Variants in STARD13 observed in about 807,000 individuals in gnomAD.
STARD13 encodes StAR related lipid transfer domain containing 13, also known as stAR-related lipid transfer protein 13.
Under a neutral mutation model 106.4 loss-of-function variants are expected in STARD13, and 62 were observed. That is an observed-to-expected ratio of 0.58 (90% CI 0.48 to 0.72). STARD13 has a LOEUF of 0.72. STARD13 is among the 30% of genes least tolerant of loss of function. The probability of loss-of-function intolerance (pLI) is 0.00; values close to 1 mark genes in which losing one functional copy is unlikely to be tolerated. For missense variants in STARD13, 1,387 were observed against 1,424.0 expected (o/e 0.97, Z 0.42); for synonymous variants, 565 against 553.0 (o/e 1.02, Z -0.31).
At chr13:33,583,063 G>A in the STARD13 span, among the ~76,000 whole-genome samples, 1 of 152,174 alleles carries the variant, frequency 6.6e-6, no homozygotes, top group South Asian at 2.1e-4. Context: ...ATGTTTGGAA[G>A]GCTGTTCAAA....
At chr13:33,360,586 T>C in the STARD13 span, among the ~76,000 whole-genome samples, 1 of 110,566 alleles carries the variant, frequency 9.0e-6, no homozygotes, top group Admixed American at 9.4e-5. Context: ...TTATTAGTTT[T>C]AAGAGTATCT....
intron 1 of STARD13, among the ~76,000 whole-genome samples, chr13:33,321,156 A>T (rs1356515830): frequency 6.6e-6 from 1 of 152,144 alleles, no homozygotes; most frequent in Non-Finnish European, 1.5e-5. Context: ...TCTTTTGTAG[A>T]CAGCATTCCC....
the STARD13 span, among the ~76,000 whole-genome samples, chr13:33,431,833 G>A: frequency 9.2e-5 from 14 of 152,284 alleles, no homozygotes; most frequent in African/African-American, 3.4e-4. Context: ...GGGATACCAA[G>A]AACATAAGTT....
At chr13:33,364,309 T>C in the STARD13 span, among the ~76,000 whole-genome samples, 1 of 152,056 alleles carries the variant, frequency 6.6e-6, no homozygotes, top group Non-Finnish European at 1.5e-5. Flanking sequence ...CAACAAAAAA[T>C]AAAATTTAAA....
At chr13:33,134,544 T>A (rs142820338) in intron 4 of STARD13, among the ~76,000 whole-genome samples, 100 of 152,368 alleles carry the variant, frequency 6.6e-4, no homozygotes, top group Middle Eastern at 3.4e-3. Flanking sequence ...GTTTTTAAAC[T>A]GTAAAGATGG....
intron 7 of STARD13, among the ~76,000 whole-genome samples, chr13:33,121,006 G>C (rs1157832024): frequency 6.6e-6 from 1 of 152,140 alleles, no homozygotes; most frequent in Admixed American, 6.5e-5. Context: ...CTCCCAAAGT[G>C]CTGGCATTAC....
the STARD13 span, chr13:33,383,795 C>G: frequency 6.8e-6 from 1 of 145,996 alleles, no homozygotes; most frequent in Non-Finnish European, 1.5e-5. Flanking sequence ...AACACGAACA[C>G]GAAGCTGCAC....
At chr13:33,671,291 G>A in the STARD13 span, among the ~76,000 whole-genome samples, 1 of 152,212 alleles carries the variant, frequency 6.6e-6, no homozygotes, top group Admixed American at 6.5e-5. Context: ...ATTACCATAT[G>A]GTAGTTAAAA....
intron 1 of STARD13, among the ~76,000 whole-genome samples, chr13:33,308,785 A>T (rs1326774921): frequency 1.3e-5 from 2 of 152,170 alleles, no homozygotes; most frequent in East Asian, 3.9e-4. Context: ...TGGCCTCCCG[A>T]AGTGCTGGGA....
chr13:33,669,530 CTTTTTT>C, the STARD13 span, among the ~76,000 whole-genome samples: 1 of 103,154 alleles, frequency 9.7e-6, no homozygotes, highest in Non-Finnish European at 1.9e-5. Flanking sequence ...AGAGGATGTT[CTTTTTT>C]TTTTTTTTTT....
intron 1 of STARD13, among the ~76,000 whole-genome samples, chr13:33,196,820 A>G (rs1886656530): frequency 6.6e-6 from 1 of 152,222 alleles, no homozygotes. Context: ...TCACTTCTAC[A>G]AGGCAGCAAT....
chr13:33,469,341 A>C, the STARD13 span, among the ~76,000 whole-genome samples: 2 of 152,160 alleles, frequency 1.3e-5, no homozygotes, highest in African/African-American at 2.4e-5. Context: ...CATTATAATA[A>C]ATGAAATCCA....
Position 33,322,717 on chromosome 13 carries a change from G to C in STARD13, c.124+27573C>G, listed in dbSNP as rs79946032. ...CACAGCAAAAATTTATTTTTCTCTT[G>C]ATAAGCCAGGACTTCAGAAGTTAAA... On this transcript the variant is annotated intron_variant, in intron 1 of 5. Transcript: ENST00000567873. Among the ~76,000 whole-genome samples, 719 of 152,296 alleles carry C rather than the reference G, an allele frequency of 4.7e-3. 6 individuals are homozygous for C. Among genetic ancestry groups the C allele is most frequent in the African/African-American group, 0.016 (676 of 41,562 alleles).
chr13:33,115,761 T>C (rs1002436890), intron 8 of STARD13, among the ~76,000 whole-genome samples: 1 of 152,182 alleles, frequency 6.6e-6, no homozygotes, highest in South Asian at 2.1e-4. Flanking sequence ...ATGACCCTGA[T>C]AAAAAGAGAC....
chr13:33,462,689 C>T, the STARD13 span, among the ~76,000 whole-genome samples: 5 of 152,202 alleles, frequency 3.3e-5, no homozygotes, highest in East Asian at 1.9e-4. Context: ...GGGCAGGAAG[C>T]GTCCAGCATG....
chr13:33,465,911 T>A, the STARD13 span, among the ~76,000 whole-genome samples: 1 of 152,162 alleles, frequency 6.6e-6, no homozygotes, highest in South Asian at 2.1e-4. Flanking sequence ...GTGAAAATTA[T>A]ATATACCTAT....
intron 1 of STARD13, among the ~76,000 whole-genome samples, chr13:33,248,187 T>C (rs949811012): frequency 1.3e-5 from 2 of 151,916 alleles, no homozygotes; most frequent in East Asian, 3.9e-4. Flanking sequence ...ATTGCTTGAG[T>C]CCAGGAGTTC....
intron 1 of STARD13, among the ~76,000 whole-genome samples, chr13:33,297,399 T>A (rs1307067785): frequency 6.6e-6 from 1 of 152,196 alleles, no homozygotes; most frequent in African/African-American, 2.4e-5. Context: ...CTCCTCACAA[T>A]CTTCAATGAC....
At chr13:33,400,706 G>A in the STARD13 span, among the ~76,000 whole-genome samples, 11 of 151,972 alleles carry the variant, frequency 7.2e-5, no homozygotes, top group Non-Finnish European at 1.6e-4. Flanking sequence ...GTCGTGATCC[G>A]CCCGCCTTGG....
Sources: gnomAD v4.1 joint callset for allele counts (sites outside exome capture counted in the v4.1 genomes callset) on GRCh38, gnomAD v4.1.1 for gene constraint, MANE v1.5 for transcripts, NCBI Gene and HGNC (gene_info 2026-07-23, HGNC 2026-07-21) for gene names.